Variants in WWOX observed in about 807,000 individuals in gnomAD.
The protein encoded by WWOX is WW domain containing oxidoreductase, also known as WW domain-containing oxidoreductase.
Under a neutral mutation model 46.2 loss-of-function variants are expected in WWOX, and 69 were observed. The observed-to-expected ratio is 1.49, with a 90% CI of 1.23 to 1.82. The LOEUF (loss-of-function observed/expected upper bound fraction) is 1.82, where lower values mean the gene tolerates loss of function less well. Among genes scored for constraint, WWOX ranks in the 40% most tolerant of loss-of-function variants. The probability of loss-of-function intolerance (pLI) is 0.00; values close to 1 mark genes in which losing one functional copy is unlikely to be tolerated. For missense variants in WWOX, 919 were observed against 542.6 expected (o/e 1.69, Z -6.89); for synonymous variants, 359 against 202.6 (o/e 1.77, Z -6.56).
chr16:78,790,928 A>G (rs762574322), intron 8 of WWOX, among the ~76,000 whole-genome samples: 1 of 143,382 alleles, frequency 7.0e-6, no homozygotes, highest in African/African-American at 2.6e-5. Flanking sequence ...CTGAGGTGGG[A>G]GGATCACCTG....
At chr16:78,686,598 C>A (rs1365517310) in intron 8 of WWOX, among the ~76,000 whole-genome samples, 1 of 152,086 alleles carries the variant, frequency 6.6e-6, no homozygotes, top group African/African-American at 2.4e-5. Context: ...GGGAGTGGGC[C>A]CAGCTATTTG....
At chr16:78,257,457 G>T (rs1367107584) in intron 5 of WWOX, among the ~76,000 whole-genome samples, 1 of 152,172 alleles carries the variant, frequency 6.6e-6, no homozygotes, top group Non-Finnish European at 1.5e-5. Flanking sequence ...GCCAGGGATG[G>T]AGCTGGGGAT....
At chr16:78,570,031 A>G (rs935300970) in intron 8 of WWOX, among the ~76,000 whole-genome samples, 5 of 152,224 alleles carry the variant, frequency 3.3e-5, no homozygotes, top group African/African-American at 1.2e-4. Context: ...CTCTAAAACT[A>G]ACAGGTGGAT....
intron 8 of WWOX, among the ~76,000 whole-genome samples, chr16:79,008,935 A>G (rs1339416699): frequency 6.6e-6 from 1 of 152,196 alleles, no homozygotes; most frequent in African/African-American, 2.4e-5. Flanking sequence ...CACCCTTCTA[A>G]ATATGGGATG....
intron 8 of WWOX, among the ~76,000 whole-genome samples, chr16:78,438,435 T>A (rs1385053731): frequency 1.3e-5 from 2 of 150,746 alleles, no homozygotes; most frequent in Non-Finnish European, 2.9e-5. Flanking sequence ...CTGAAATGAA[T>A]GCTGCCACCA....
At chr16:78,746,240 G>T (rs146274175) in intron 8 of WWOX, among the ~76,000 whole-genome samples, 1 of 152,216 alleles carries the variant, frequency 6.6e-6, no homozygotes, top group African/African-American at 2.4e-5. Context: ...GCTCACACCT[G>T]TAATTCTAGT....
intron 8 of WWOX, among the ~76,000 whole-genome samples, chr16:78,923,553 A>G (rs1597156070): frequency 6.6e-6 from 1 of 152,108 alleles, no homozygotes; most frequent in East Asian, 1.9e-4. Flanking sequence ...TACATAATAT[A>G]TATAAATTTT....
rs139564902 is a variant in WWOX, at chr16:78,426,905, G to T, written c.791+1850G>T. On this transcript the variant is annotated intron_variant, in intron 7 of 8. Coordinates refer to ENST00000566780, the MANE Select transcript of WWOX (RefSeq NM_016373.4). ...TCTCGATCTCTTGACCTTGTGATCC[G>T]CCTGCCTTGGCTTCTCACAGTGCTG... 9.3e-3 allele frequency among the ~76,000 whole-genome samples: 1,409 copies of T among 152,224 alleles called. 27 individuals are homozygous for T. The highest frequency in any genetic ancestry group is 0.01 in the Non-Finnish European group (681 of 68,014).
intron 8 of WWOX, among the ~76,000 whole-genome samples, chr16:78,567,768 T>G (rs111396690): frequency 0.02 from 3,051 of 151,796 alleles, 61 homozygotes; most frequent in Middle Eastern, 0.048. Flanking sequence ...ACAAAGTTTT[T>G]CTCCCGCAAC....
At chr16:78,222,862 T>G (rs2036936598) in intron 5 of WWOX, among the ~76,000 whole-genome samples, 1 of 152,186 alleles carries the variant, frequency 6.6e-6, no homozygotes. Context: ...ACAAAAGATC[T>G]TCCCGCTCGC....
intron 8 of WWOX, among the ~76,000 whole-genome samples, chr16:79,070,694 T>G (rs1289260183): frequency 1.3e-5 from 2 of 152,222 alleles, no homozygotes; most frequent in Admixed American, 6.5e-5. Flanking sequence ...GCTGGCTTGC[T>G]TCTTCCTTTA....
intron 5 of WWOX, among the ~76,000 whole-genome samples, chr16:78,325,576 A>G (rs1334163127): frequency 6.6e-6 from 1 of 152,154 alleles, no homozygotes. Context: ...GATCTCTGTA[A>G]GAGAATGTTT....
intron 8 of WWOX, among the ~76,000 whole-genome samples, chr16:78,580,999 T>G (rs147749982): frequency 6.6e-6 from 1 of 152,116 alleles, no homozygotes; most frequent in South Asian, 2.1e-4. Context: ...AAAAAGTATA[T>G]CTGTGAACTT....
At chr16:78,981,591 C>T (rs1289868336) in intron 8 of WWOX, 1 of 152,174 alleles carries the variant, frequency 6.6e-6, no homozygotes, top group Non-Finnish European at 1.5e-5. Flanking sequence ...GCACATGCCA[C>T]CATGCCCAGC....
At chr16:78,237,322 T>G (rs766625242) in intron 5 of WWOX, 1 of 152,350 alleles carries the variant, frequency 6.6e-6, no homozygotes. Flanking sequence ...AATCTATTGT[T>G]TTTTGAAAGA....
At chr16:78,725,467 C>T (rs1340808911) in intron 8 of WWOX, among the ~76,000 whole-genome samples, 2 of 150,430 alleles carry the variant, frequency 1.3e-5, no homozygotes, top group South Asian at 2.1e-4. Context: ...CCTGCCTCAG[C>T]CTCCCAGGTA....
chr16:78,874,624 A>G (rs995363327), intron 8 of WWOX, among the ~76,000 whole-genome samples: 6 of 150,730 alleles, frequency 4.0e-5, no homozygotes, highest in African/African-American at 1.5e-4. Flanking sequence ...CATGTTGGCA[A>G]TGGGTAGTGG....
At chr16:78,279,109 A>G (rs914719450) in intron 5 of WWOX, among the ~76,000 whole-genome samples, 1 of 152,188 alleles carries the variant, frequency 6.6e-6, no homozygotes, top group African/African-American at 2.4e-5. Context: ...ATTCAGATGA[A>G]AAATACCTTC....
At chr16:78,914,929 C>A (rs952571108) in intron 8 of WWOX, among the ~76,000 whole-genome samples, 2 of 148,862 alleles carry the variant, frequency 1.3e-5, no homozygotes, top group Non-Finnish European at 3.0e-5. Context: ...TGCCCTTGAG[C>A]AGGCTGTGGT....
Sources: gnomAD v4.1 joint callset for allele counts (sites outside exome capture counted in the v4.1 genomes callset) on GRCh38, gnomAD v4.1.1 for gene constraint, MANE v1.5 for transcripts, NCBI Gene and HGNC (gene_info 2026-07-23, HGNC 2026-07-21) for gene names.